Variants in CCDC171 observed in about 807,000 individuals in gnomAD.
CCDC171 encodes coiled-coil domain-containing protein 171.
A neutral mutation model predicts 168.2 loss-of-function variants in CCDC171; 177 were observed. That is an observed-to-expected ratio of 1.05 (90% confidence interval 0.93 to 1.19). The LOEUF is 1.19. CCDC171 is among the 50% of genes most tolerant of loss of function. The pLI, the probability that CCDC171 is intolerant of heterozygous loss-of-function variation, is 0.00. For synonymous variants in CCDC171, 687 were observed against 540.8 expected (o/e 1.27, Z -3.75); for missense variants, 1,991 against 1,539.0 (o/e 1.29, Z -4.91).
chr9:15,710,955 G>A (rs1328325285), intron 11 of CCDC171, among the ~76,000 whole-genome samples: 1 of 152,038 alleles, frequency 6.6e-6, no homozygotes, highest in Non-Finnish European at 1.5e-5. Context: ...TGTTTCATTT[G>A]TTCTAGGAGT....
intron 1 of CCDC171, among the ~76,000 whole-genome samples, chr9:16,055,923 A>G (rs1045954406): frequency 1.3e-5 from 2 of 152,258 alleles, no homozygotes; most frequent in African/African-American, 4.8e-5. Flanking sequence ...TGAATTAAGA[A>G]AAATTCAAAC....
chr9:15,607,715 G>T (rs2043329900), intron 6 of CCDC171, among the ~76,000 whole-genome samples: 1 of 152,062 alleles, frequency 6.6e-6, no homozygotes. Context: ...CACCCGCCTT[G>T]GCCTATCAAA....
chr9:15,596,492 C>G (rs550640049), intron 6 of CCDC171, among the ~76,000 whole-genome samples: 1 of 152,224 alleles, frequency 6.6e-6, no homozygotes, highest in South Asian at 2.1e-4. Flanking sequence ...CTGTTCTGTT[C>G]CATTGGTCTA....
At chr9:15,759,162 A>G (rs2056307533) in intron 18 of CCDC171, among the ~76,000 whole-genome samples, 1 of 152,140 alleles carries the variant, frequency 6.6e-6, no homozygotes, top group Admixed American at 6.6e-5. Context: ...CTAATAGACT[A>G]ACAAGTGATA....
chr9:15,746,930 G>A (rs1588268661), intron 18 of CCDC171, among the ~76,000 whole-genome samples: 1 of 152,204 alleles, frequency 6.6e-6, no homozygotes, highest in African/African-American at 2.4e-5. Flanking sequence ...CTTCACAACT[G>A]GCAGAGCAGG....
chr9:15,561,705 C>T (rs984928234), intron 1 of CCDC171, among the ~76,000 whole-genome samples: 5 of 152,124 alleles, frequency 3.3e-5, no homozygotes, highest in Admixed American at 3.3e-4. Flanking sequence ...AGTTCATATT[C>T]AGCCACTGAC....
intron 25 of CCDC171, among the ~76,000 whole-genome samples, chr9:15,962,236 C>A (rs1830415722): frequency 1.3e-5 from 2 of 152,162 alleles, no homozygotes; most frequent in African/African-American, 4.8e-5. Context: ...AAAGGTCTGA[C>A]CTTTGGTTAG....
the CCDC171 span, among the ~76,000 whole-genome samples, chr9:16,103,597 G>T: frequency 6.6e-6 from 1 of 152,244 alleles, no homozygotes; most frequent in African/African-American, 2.4e-5. Flanking sequence ...CCGAGGCCAG[G>T]CAGAGGACGT....
chr9:15,554,981 T>A (rs75925639), intron 1 of CCDC171, among the ~76,000 whole-genome samples: 8,276 of 152,212 alleles, frequency 0.054, 275 homozygotes, highest in African/African-American at 0.086. Flanking sequence ...CACCCATCCC[T>A]CGTTTTTCCT....
At chr9:15,655,827 T>C (rs144634700) in intron 7 of CCDC171, among the ~76,000 whole-genome samples, 7 of 152,286 alleles carry the variant, frequency 4.6e-5, no homozygotes, top group East Asian at 3.9e-4. Context: ...TCATTAGTCA[T>C]TGGGGCAATG....
rs1372704339 is a variant in CCDC171, at chr9:15,972,138, T to G, written c.*302T>G. On this transcript the variant is annotated 3_prime_UTR_variant, in exon 26 of 26. Coordinates refer to ENST00000380701, the MANE Select transcript of CCDC171 (RefSeq NM_173550.4). ...GACTTAAAAAAATCAATAAGCCATTTTAGTCTCTATCTATCAAAGTTGTTT... is the reference window on the plus strand; with the variant it reads ...GACTTAAAAAAATCAATAAGCCATTGTAGTCTCTATCTATCAAAGTTGTTT... The G allele has an allele frequency of 2.1e-5, 7 of 336,110 alleles. No homozygotes were observed. Among genetic ancestry groups the G allele is most frequent in the African/African-American group, 1.5e-4 (7 of 46,734 alleles). 20.8% of individuals were successfully genotyped at this position (336,110 alleles called of 1,614,324 possible). A position where few individuals can be genotyped will look rare whatever the true frequency, so the allele number is the denominator to read the frequency against.
At chr9:15,615,981 C>T (rs571863692) in intron 6 of CCDC171, among the ~76,000 whole-genome samples, 58 of 152,184 alleles carry the variant, frequency 3.8e-4, no homozygotes, top group Middle Eastern at 3.4e-3. Context: ...GATGGAGTCT[C>T]GCTCTGTCGC....
chr9:16,059,715 C>T (rs893608700), intron 1 of CCDC171, among the ~76,000 whole-genome samples: 2 of 150,492 alleles, frequency 1.3e-5, no homozygotes, highest in Non-Finnish European at 3.0e-5. Flanking sequence ...GGGGTTTCAC[C>T]TTGTTAGCCA....
the CCDC171 span, among the ~76,000 whole-genome samples, chr9:16,072,799 A>AT: frequency 6.6e-6 from 1 of 152,152 alleles, no homozygotes; most frequent in African/African-American, 2.4e-5. Context: ...CTTCTTGGCC[A>AT]TCTTCCCTGA....
intron 5 of CCDC171, among the ~76,000 whole-genome samples, chr9:15,592,946 A>G (rs1004293005): frequency 6.6e-6 from 1 of 152,050 alleles, no homozygotes; most frequent in African/African-American, 2.4e-5. Flanking sequence ...ATATGTATAC[A>G]TGTGCCATGC....
chr9:15,773,459 A>AT (rs1180667527), intron 18 of CCDC171, among the ~76,000 whole-genome samples: 1 of 152,092 alleles, frequency 6.6e-6, no homozygotes, highest in Non-Finnish European at 1.5e-5. Flanking sequence ...CTAGATGTAC[A>AT]TTTTTCCCCC....
intron 3 of CCDC171, among the ~76,000 whole-genome samples, chr9:16,010,311 A>C (rs1832834060): frequency 1.3e-5 from 2 of 152,210 alleles, no homozygotes; most frequent in South Asian, 2.1e-4. Context: ...CAATAAAATA[A>C]AAACTTCTTG....
intron 3 of CCDC171, 21 bp from the exon 4 acceptor site, chr9:15,578,828 A>G: frequency 1.2e-6 from 2 of 1,600,480 alleles, no homozygotes; most frequent in South Asian, 1.1e-5. Flanking sequence ...ACACATGTTG[A>G]TATCAGGAAT....
chr9:15,702,966 C>T (rs1036566036), intron 11 of CCDC171, among the ~76,000 whole-genome samples: 3 of 151,042 alleles, frequency 2.0e-5, no homozygotes, highest in Non-Finnish European at 4.4e-5. Flanking sequence ...TGCAGTGGCG[C>T]GATCTCTGCT....
Sources: gnomAD v4.1 joint callset for allele counts (sites outside exome capture counted in the v4.1 genomes callset) on GRCh38, gnomAD v4.1.1 for gene constraint, MANE v1.5 for transcripts, NCBI Gene and HGNC (gene_info 2026-07-23, HGNC 2026-07-21) for gene names.